The following CCNB3 variants were observed in gnomAD, a reference collection of about 807,000 sequenced individuals.
CCNB3 encodes G2/mitotic-specific cyclin-B3.
In CCNB3, 12 loss-of-function variants were observed where a neutral mutation model predicts 68.0. The observed-to-expected ratio is 0.18, with a 90% CI of 0.11 to 0.29. The LOEUF is 0.29. Ranked by LOEUF, CCNB3 falls within the 10% of genes least tolerant of loss-of-function variation. The pLI, the probability that CCNB3 is intolerant of heterozygous loss-of-function variation, is 1.00. For missense variants in CCNB3, 904 were observed against 993.1 expected (o/e 0.91, Z 1.21); for synonymous variants, 354 against 388.9 (o/e 0.91, Z 1.06).
intron 8 of CCNB3, 27 bp downstream of exon 8, chrX:50,313,975 G>C (rs1921596508): frequency 9.1e-7 from 1 of 1,095,006 alleles, no homozygotes; most frequent in African/African-American, 1.8e-5. Context: ...CTGCCTTAAG[G>C]AGCTGCTGTT....
chrX:50,290,336 T>G (rs782051136), intron 4 of CCNB3, among the ~76,000 whole-genome samples: 3 of 111,691 alleles, frequency 2.7e-5, no homozygotes, highest in African/African-American at 9.7e-5. Context: ...GAGGGCCCGT[T>G]CCTCATGGAT....
chrX:50,300,961 C>T (rs1406985570), intron 5 of CCNB3, among the ~76,000 whole-genome samples: 2 of 111,639 alleles, frequency 1.8e-5, no homozygotes, highest in East Asian at 2.8e-4. Flanking sequence ...ACGTAGTTCT[C>T]GTGCCATGGT....
chrX:50,225,244 T>C (rs1294392861), intron 1 of CCNB3, among the ~76,000 whole-genome samples: 1 of 110,599 alleles, frequency 9.0e-6, no homozygotes, highest in Non-Finnish European at 1.9e-5. Context: ...ATTTCAAAAA[T>C]AGAGGGAAGA....
At chrX:50,330,553 A>T (rs1922546158) in intron 8 of CCNB3, among the ~76,000 whole-genome samples, 1 of 112,196 alleles carries the variant, frequency 8.9e-6, no homozygotes, top group African/African-American at 3.2e-5. Flanking sequence ...ATAGTGATTC[A>T]TATAGAACAC....
At chrX:50,344,868 T>G (rs2147102468) in intron 9 of CCNB3, among the ~76,000 whole-genome samples, 1 of 111,772 alleles carries the variant, frequency 8.9e-6, no homozygotes, top group Admixed American at 9.5e-5. Flanking sequence ...CTAACTGATC[T>G]TGTTCAACTT....
intron 11 of CCNB3, among the ~76,000 whole-genome samples, chrX:50,350,178 C>A (rs1174397346): frequency 5.5e-5 from 6 of 109,785 alleles, no homozygotes; most frequent in Non-Finnish European, 9.5e-5. Context: ...CTTGGTAATC[C>A]TAGTTAGCAT....
intron 1 of CCNB3, among the ~76,000 whole-genome samples, chrX:50,205,896 C>T (rs1182880783): frequency 1.9e-5 from 2 of 107,675 alleles, no homozygotes; most frequent in East Asian, 5.8e-4. Context: ...TGTAGTGAGA[C>T]GAGATCGTGC....
intron 4 of CCNB3, among the ~76,000 whole-genome samples, chrX:50,289,758 A>T (rs1360405939): frequency 9.0e-6 from 1 of 111,653 alleles, no homozygotes; most frequent in African/African-American, 3.3e-5. Context: ...ATCCTGGTGA[A>T]CTATTCTTGC....
intron 1 of CCNB3, among the ~76,000 whole-genome samples, chrX:50,279,490 T>C (rs1455344555): frequency 1.2e-5 from 1 of 83,063 alleles, no homozygotes; most frequent in Non-Finnish European, 2.2e-5. Flanking sequence ...AATATTCATA[T>C]ATAAATATAT....
At chrX:50,205,611 G>T (rs1422312843) in intron 1 of CCNB3, among the ~76,000 whole-genome samples, 1 of 112,121 alleles carries the variant, frequency 8.9e-6, no homozygotes, top group African/African-American at 3.2e-5. Context: ...CCAAGATGGC[G>T]CCACTGCACT....
At chrX:50,227,325 TATAA>T (rs1378585177) in intron 1 of CCNB3, among the ~76,000 whole-genome samples, 2 of 84,227 alleles carry the variant, frequency 2.4e-5, no homozygotes, top group Admixed American at 1.7e-4. Context: ...ACAGAATATA[TATAA>T]ATATACACAC....
intron 4 of CCNB3, among the ~76,000 whole-genome samples, chrX:50,292,801 C>T (rs1936372962): frequency 9.0e-6 from 1 of 111,185 alleles, no homozygotes. Context: ...GTCCTTGTGA[C>T]ACACTCTCAT....
chrX:50,325,179 A>G (rs1214189798), intron 8 of CCNB3, among the ~76,000 whole-genome samples: 2 of 111,541 alleles, frequency 1.8e-5, no homozygotes, highest in Non-Finnish European at 3.8e-5. Context: ...CAGTATGGTA[A>G]CTACCCACAA....
At chrX:50,293,114 C>T (rs1157304930) in intron 4 of CCNB3, among the ~76,000 whole-genome samples, 1 of 111,619 alleles carries the variant, frequency 9.0e-6, no homozygotes, top group Non-Finnish European at 1.9e-5. Context: ...GTGTATGTGT[C>T]CAGGAATTTA....
At position 50,301,168 on chromosome X, in the gene CCNB3, T is replaced by G. The variant is rs1387274290; in HGVS notation, c.335+6175T>G. ...CATTCTCCATCCAGCTTTGTTCTGT[T>G]GCTGGTGAGGAGCTGTGTTCCTTTG... On this transcript the variant is annotated intron_variant, in intron 5 of 12. Coordinates refer to ENST00000376042, the MANE Select transcript of CCNB3 (RefSeq NM_033031.3). Among the ~76,000 whole-genome samples the G allele has an allele frequency of 2.7e-5, 3 of 111,921 alleles. No homozygotes were observed. In the Admixed American group the frequency reaches 2.8e-4, roughly 11 times the overall value.
rs940546764 is a variant in CCNB3, at chrX:50,225,788, C to A, written c.-113+20838C>A. 5.6e-5 allele frequency among the ~76,000 whole-genome samples: 6 copies of A among 107,300 alleles called. No homozygotes were observed. In the South Asian group the frequency reaches 2.4e-3, roughly 43 times the overall value. The allele number at this position is 107,300 out of a possible 115,157, so 93.2% of individuals were successfully genotyped here. A position where few individuals can be genotyped will look rare whatever the true frequency, so the allele number is the denominator to read the frequency against. ...GAAAACGATCAGGTTTGGGGAGGGGCTTGACAATTCAAAGTTCTATTGTGA... is the reference window on the plus strand; with the variant it reads ...GAAAACGATCAGGTTTGGGGAGGGGATTGACAATTCAAAGTTCTATTGTGA... On this transcript the variant is annotated intron_variant, in intron 1 of 12. Transcript: ENST00000376042.
rs1935766162 is a variant in CCNB3 at position 50,226,156 on chromosome X, GAATA to G, written c.-113+21207_-113+21210del. ...ATATAAATATATATTCTATATATAT[GAATA>G]TATATCGAATATACATATATAGATA... On this transcript the variant is annotated intron_variant, in intron 1 of 12. Coordinates refer to ENST00000376042, the MANE Select transcript of CCNB3 (RefSeq NM_033031.3). Among the ~76,000 whole-genome samples the G allele has an allele frequency of 4.7e-5, 3 of 64,300 alleles. 1 individual carries two copies. The highest frequency in any genetic ancestry group is 8.2e-5 in the Non-Finnish European group (3 of 36,765). 55.8% of individuals were successfully genotyped at this position (64,300 alleles called of 115,157 possible).
chrX:50,347,086 T>C (rs1471692028), intron 10 of CCNB3, among the ~76,000 whole-genome samples: 1 of 111,035 alleles, frequency 9.0e-6, no homozygotes, highest in African/African-American at 3.3e-5. Flanking sequence ...GAGAGACACA[T>C]GGAAAACTTT....
rs372396172 is a variant in CCNB3, at chrX:50,313,888, G to A, written c.3456G>A (p.Arg1152=). The A allele has an allele frequency of 7.5e-6, 9 of 1,207,948 alleles. No individual in the cohort carries two copies. The African/African-American group carries it at 8.7e-5, about 12-fold the overall frequency. The change falls in exon 8 of 13, where the codon AGG becomes AGA. Residue 1152 remains arginine, a synonymous_variant. Coordinates refer to ENST00000376042, the MANE Select transcript of CCNB3 (RefSeq NM_033031.3). Reference sequence around the variant, plus strand: ...TTATACTTACAGATTACATGAACAGGCAGATTGAAATCACCAGTGACATGA... The same window carrying A: ...TTATACTTACAGATTACATGAACAGACAGATTGAAATCACCAGTGACATGA... ...EQFILTDYMN[R]QIEITSDMRA...
Sources: allele counts gnomAD v4.1 joint callset (sites outside exome capture counted in the v4.1 genomes callset), GRCh38; gene constraint gnomAD v4.1.1; transcripts MANE v1.5; gene names NCBI Gene and HGNC (gene_info 2026-07-23, HGNC 2026-07-21).